VKORC1L1: variants seen among roughly 807,000 people sequenced by gnomAD.
VKORC1L1 encodes the protein vitamin K epoxide reductase complex subunit 1-like protein 1.
A neutral mutation model predicts 18.9 loss-of-function variants in VKORC1L1; 2 were observed. That is an observed-to-expected ratio of 0.11 (90% CI 0.04 to 0.33). VKORC1L1 has a LOEUF of 0.33. Among genes scored for constraint, VKORC1L1 ranks in the 10% least tolerant of loss-of-function variants. The pLI, the probability that VKORC1L1 is intolerant of heterozygous loss-of-function variation, is 1.00. For synonymous variants in VKORC1L1, 96 were observed against 100.0 expected (o/e 0.96, Z 0.24); for missense variants, 123 against 224.1 (o/e 0.55, Z 2.88).
intron 1 of VKORC1L1, among the ~76,000 whole-genome samples, chr7:65,944,445 G>A (rs930248437): frequency 2.6e-5 from 4 of 151,856 alleles, no homozygotes; most frequent in South Asian, 2.1e-4. Context: ...CAAGAAAGGC[G>A]TAATTATTGA....
chr7:65,877,337 A>AAT (rs1286772340), intron 1 of VKORC1L1, among the ~76,000 whole-genome samples: 2 of 152,076 alleles, frequency 1.3e-5, no homozygotes, highest in Non-Finnish European at 2.9e-5. Flanking sequence ...AAGAGAAACT[A>AAT]ATGCAGAATA....
intron 1 of VKORC1L1, among the ~76,000 whole-genome samples, chr7:65,900,511 C>T (rs970016185): frequency 6.6e-6 from 1 of 151,424 alleles, no homozygotes; most frequent in Admixed American, 6.6e-5. Context: ...ACGTATAAAA[C>T]TACATACATA....
At chr7:65,943,639 C>CA (rs1790071858) in intron 1 of VKORC1L1, among the ~76,000 whole-genome samples, 2 of 151,698 alleles carry the variant, frequency 1.3e-5, no homozygotes, top group Admixed American at 6.6e-5. Context: ...ACTAAAAATG[C>CA]AAAAAAATTA....
At chr7:65,885,027 T>A (rs1788989483) in intron 1 of VKORC1L1, among the ~76,000 whole-genome samples, 1 of 152,190 alleles carries the variant, frequency 6.6e-6, no homozygotes, top group Admixed American at 6.5e-5. Context: ...AATTTTTGTC[T>A]GTAGATTCAA....
chr7:65,875,880 C>T (rs985695730), intron 1 of VKORC1L1, among the ~76,000 whole-genome samples: 11 of 152,158 alleles, frequency 7.2e-5, no homozygotes, highest in African/African-American at 2.2e-4. Flanking sequence ...AGAAAATCAT[C>T]TTCCAGGATC....
intron 1 of VKORC1L1, among the ~76,000 whole-genome samples, chr7:65,902,501 G>C (rs1306032760): frequency 6.6e-6 from 1 of 152,150 alleles, no homozygotes; most frequent in Non-Finnish European, 1.5e-5. Context: ...CTGTAACAAG[G>C]ACAATTGTTA....
intron 1 of VKORC1L1, among the ~76,000 whole-genome samples, chr7:65,900,409 A>G: frequency 6.6e-6 from 1 of 151,512 alleles, no homozygotes; most frequent in East Asian, 1.9e-4. Flanking sequence ...AAAAAAAAAG[A>G]AAATATAGAA....
At chr7:65,915,670 A>G (rs1789577364) in intron 1 of VKORC1L1, among the ~76,000 whole-genome samples, 1 of 149,818 alleles carries the variant, frequency 6.7e-6, no homozygotes, top group Admixed American at 6.7e-5. Context: ...GTTTCCTACC[A>G]TCTGGGAAAT....
At position 65,886,839 on chromosome 7, in the gene VKORC1L1, G is replaced by GGTTT. The variant is rs1237860894; in HGVS notation, c.194+13274_194+13275insGTTT. On this transcript the variant is annotated intron_variant, in intron 1 of 2. Coordinates refer to ENST00000360768, the MANE Select transcript of VKORC1L1 (RefSeq NM_173517.6). Reference sequence around the variant, plus strand: ...GGCGTGAGCCACTGCGCCTGTCCGAGTTTTTTTTTTTTTTTTTTTTTTTTT... The same window carrying GGTTT: ...GGCGTGAGCCACTGCGCCTGTCCGAGGTTTTTTTTTTTTTTTTTTTTTTTTTTTT... 1.1e-3 allele frequency among the ~76,000 whole-genome samples: 63 copies of GGTTT among 58,626 alleles called. 2 individuals carry two copies. In the East Asian group the frequency reaches 0.018, roughly 17 times the overall value. The allele number at this position is 58,626 out of a possible 152,430, so 38.5% of individuals were successfully genotyped here.
intron 1 of VKORC1L1, among the ~76,000 whole-genome samples, chr7:65,929,255 C>CA (rs1238190927): frequency 3.3e-5 from 5 of 151,382 alleles, no homozygotes; most frequent in Admixed American, 6.6e-5. Flanking sequence ...CTAGAAATAC[C>CA]AAAAAAAATT....
At chr7:65,879,630 G>A (rs1339859803) in intron 1 of VKORC1L1, among the ~76,000 whole-genome samples, 3 of 128,126 alleles carry the variant, frequency 2.3e-5, no homozygotes, top group Non-Finnish European at 4.9e-5. Context: ...AAGAGTCCAA[G>A]CTCTTTACCA....
chr7:65,951,575 A>G (rs201819889), intron 2 of VKORC1L1, among the ~76,000 whole-genome samples: 2 of 116,774 alleles, frequency 1.7e-5, no homozygotes, highest in Non-Finnish European at 3.7e-5. Flanking sequence ...CTCCTTCAGG[A>G]AAAAAAAAAT....
chr7:65,901,316 C>T (rs1789311530), intron 1 of VKORC1L1, among the ~76,000 whole-genome samples: 1 of 152,054 alleles, frequency 6.6e-6, no homozygotes, highest in African/African-American at 2.4e-5. Flanking sequence ...GAATTATGAG[C>T]CAATGCACTC....
At chr7:65,925,115 G>A (rs1171697194) in intron 1 of VKORC1L1, among the ~76,000 whole-genome samples, 3 of 152,174 alleles carry the variant, frequency 2.0e-5, no homozygotes, top group Non-Finnish European at 4.4e-5. Context: ...GATCCATCTA[G>A]AAACCTTCAG....
chr7:65,904,332 G>A (rs1789368822), intron 1 of VKORC1L1, among the ~76,000 whole-genome samples: 1 of 152,076 alleles, frequency 6.6e-6, no homozygotes, highest in Admixed American at 6.6e-5. Context: ...AGCCTCCCGA[G>A]TAGGTGGGAT....
chr7:65,906,631 C>T (rs1789410598), intron 1 of VKORC1L1, among the ~76,000 whole-genome samples: 1 of 152,060 alleles, frequency 6.6e-6, no homozygotes, highest in Non-Finnish European at 1.5e-5. Context: ...ACACTTTGGC[C>T]CTAGGGACCC....
intron 1 of VKORC1L1, among the ~76,000 whole-genome samples, chr7:65,940,296 G>C (rs758362171): frequency 6.6e-6 from 1 of 152,040 alleles, no homozygotes; most frequent in Non-Finnish European, 1.5e-5. Flanking sequence ...GCAATAACAG[G>C]CATAAGCCAT....
intron 1 of VKORC1L1, among the ~76,000 whole-genome samples, chr7:65,909,690 T>TTGTGTG (rs56074368): frequency 0.073 from 9,020 of 123,666 alleles, 447 homozygotes; most frequent in Middle Eastern, 0.11. Flanking sequence ...GTTTTAGCCT[T>TTGTGTG]TGTGTGTGTG....
intron 1 of VKORC1L1, among the ~76,000 whole-genome samples, chr7:65,876,908 T>C (rs1042828474): frequency 4.2e-4 from 64 of 152,152 alleles, no homozygotes; most frequent in Admixed American, 2.6e-4. Flanking sequence ...TAACCGGGCA[T>C]GGTGGCGCAT....
Sources: gnomAD v4.1 joint callset for allele counts (sites outside exome capture counted in the v4.1 genomes callset) on GRCh38, gnomAD v4.1.1 for gene constraint, MANE v1.5 for transcripts, NCBI Gene and HGNC (gene_info 2026-07-23, HGNC 2026-07-21) for gene names.